OXSM: variants seen among roughly 807,000 people sequenced by gnomAD.
OXSM encodes the protein 3-oxoacyl-[acyl-carrier-protein] synthase, mitochondrial.
In OXSM, 19 loss-of-function variants were observed where a neutral mutation model predicts 29.2. The ratio of observed to expected loss-of-function variants is 0.65; its 90% CI spans 0.45 to 0.96. OXSM has a LOEUF of 0.96. Among genes scored for constraint, OXSM ranks in the 40% least tolerant of loss-of-function variants. OXSM has a pLI of 0.00. For synonymous variants in OXSM, 178 were observed against 197.1 expected (o/e 0.90, Z 0.81); for missense variants, 554 against 551.3 (o/e 1.00, Z -0.05).
rs1490272216 is a variant in OXSM at position 25,791,160 on chromosome 3, C to T, written c.140C>T (p.Thr47Ile). 1.2e-6 allele frequency: 2 copies of T among 1,614,210 alleles called. No individual in the cohort carries two copies. The highest frequency in any genetic ancestry group is 1.7e-5 in the Admixed American group (1 of 60,028). ...ISRLHRRVVI[T>I]GIGLVTPLGV... ...AGATTGCATAGGCGAGTTGTCATTA[C>T]AGGCATTGGCTTAGTGACTCCTCTT... Residue 47 changes from threonine (T) to isoleucine (I), a missense_variant, in exon 2 of 3, where the codon ACA becomes ATA. Transcript: ENST00000280701.
At position 25,794,242 on chromosome 3, in the gene OXSM, T is replaced by C; in HGVS notation, c.1128T>C (p.Val376=). ...AAGACCATGCATATGCCCTTGCAGT[T>C]TCCTCAACTAAGGGAGCAACAGGAC... The part of the protein sequence containing the change: ...LFKDHAYALA[V]SSTKGATGHL... Residue 376 remains valine (V), a synonymous_variant, in exon 3 of 3, where the codon GTT becomes GTC. Coordinates refer to ENST00000280701, the MANE Select transcript of OXSM (RefSeq NM_017897.3). 4.3e-6 allele frequency: 7 copies of C among 1,614,218 alleles called. No individual in the cohort carries two copies. The highest frequency in any genetic ancestry group is 5.9e-6 in the Non-Finnish European group (7 of 1,180,034).
At chr3:25,790,875 C>T in intron 1 of OXSM, 115 bp from the exon 2 acceptor site, 1 of 676,452 alleles carries the variant, frequency 1.5e-6, no homozygotes, top group South Asian at 2.0e-5. Context: ...TAACATTTTC[C>T]CTGTGTTCAT....
Position 25,791,210 on chromosome 3 carries a change from G to A in OXSM, c.190G>A (p.Asp64Asn), listed in dbSNP as rs1425288832. The A allele has an allele frequency of 6.2e-7, 1 of 1,614,218 alleles. No homozygotes were observed. The highest frequency in any genetic ancestry group is 1.1e-5 in the South Asian group (1 of 91,090). Residue 64 changes from aspartate to asparagine, a missense_variant, in exon 2 of 3, where the codon GAT becomes AAT. Physicochemically the swap from Asp to Asn is conservative, Grantham distance 23. Coordinates refer to ENST00000280701, the MANE Select transcript of OXSM (RefSeq NM_017897.3). The stretch of plus-strand genomic sequence containing the variant: ...TGGTGTTGGAACTCACCTGGTTTGG[G>A]ATCGTCTTATCGGAGGAGAGAGTGG... ...PLGVGTHLVW[D>N]RLIGGESGIV...
In OXSM at chr3:25,794,462, A is replaced by C; in HGVS notation, c.1348A>C (p.Thr450Pro). Reference sequence around the variant, plus strand: ...CACCAATTCCTTTGGTTTTGGTGGTACTAATGCAACACTTTGTATTGCTGG... The same window carrying C: ...CACCAATTCCTTTGGTTTTGGTGGTCCTAATGCAACACTTTGTATTGCTGG... Reference protein sequence around the residue: ...GLTNSFGFGGTNATLCIAGL With the variant: ...GLTNSFGFGGPNATLCIAGL Residue 450 changes from threonine to proline, a missense_variant, in exon 3 of 3, where the codon ACT becomes CCT. Coordinates refer to ENST00000280701, the MANE Select transcript of OXSM (RefSeq NM_017897.3). 1 of 1,612,458 alleles carries C rather than the reference A, an allele frequency of 6.2e-7. No homozygotes were observed.
rs1449373746 is a variant in OXSM at position 25,794,292 on chromosome 3, TC to T, written c.1179del (p.Glu394ArgfsTer7). On this transcript the variant is annotated frameshift_variant, in exon 3 of 3. Coordinates refer to ENST00000280701, the MANE Select transcript of OXSM (RefSeq NM_017897.3). LOFTEE classifies it high-confidence loss of function. ...TGHLLGAAGAVEAAFTTLACY... is the reference protein window; with the variant it reads ...TGHLLGAAGAXEAAFTTLACY... Reference sequence around the variant, plus strand: ...CATCTGCTGGGAGCTGCAGGGGCAGTCGAGGCAGCTTTTACCACATTAGCTT... The same window carrying T: ...CATCTGCTGGGAGCTGCAGGGGCAGTGAGGCAGCTTTTACCACATTAGCTT... 1.9e-6 allele frequency: 3 copies of T among 1,614,234 alleles called. No homozygotes were observed. Among genetic ancestry groups the T allele is most frequent in the Admixed American group, 1.7e-5 (1 of 60,022 alleles).
At chr3:25,792,086 T>C in intron 2 of OXSM, 89 bp downstream of exon 2, 3 of 1,114,290 alleles carry the variant, frequency 2.7e-6, no homozygotes, top group Non-Finnish European at 3.9e-6. Flanking sequence ...GTGTCTGGCC[T>C]TGGTGTACAG....
chr3:25,794,416 T>C lies in OXSM; in HGVS notation c.1302T>C (p.Thr434=), dbSNP rs1708834344. 1.9e-6 allele frequency: 3 copies of C among 1,613,942 alleles called. No individual in the cohort carries two copies. The highest frequency in any genetic ancestry group is 2.7e-5 in the African/African-American group (2 of 75,060). The change falls in exon 3 of 3, where the codon ACT becomes ACC. Residue 434 remains threonine, a synonymous_variant. Transcript: ENST00000280701. ...YVPLKAQEWK[T]EKRFIGLTNS... is the part of the protein sequence containing the mutation. Reference sequence around the variant, plus strand: ...CACTAAAGGCACAGGAATGGAAAACTGAGAAAAGATTTATTGGCCTCACCA... The same window carrying C: ...CACTAAAGGCACAGGAATGGAAAACCGAGAAAAGATTTATTGGCCTCACCA...
In OXSM at chr3:25,791,795, G is replaced by C; in HGVS notation, c.775G>C (p.Asp259His). The change falls in exon 2 of 3, where the codon GAT (aspartate) becomes CAT (histidine). Residue 259 changes from aspartate (D) to histidine (H), a missense_variant. By Grantham distance (81) the Asp-to-His change is moderately conservative. Coordinates refer to ENST00000280701, the MANE Select transcript of OXSM (RefSeq NM_017897.3). ...SRARALSTNSDPKLACRPFHP... is the reference protein window; with the variant it reads ...SRARALSTNSHPKLACRPFHP... ...AGCCCGGGCTCTGAGCACAAACTCA[G>C]ATCCCAAGTTGGCATGTCGACCATT... 1 of 1,614,182 alleles carries C rather than the reference G, an allele frequency of 6.2e-7. No homozygotes were observed. Among genetic ancestry groups the C allele is most frequent in the Middle Eastern group, 1.6e-4 (1 of 6,062 alleles).
At chr3:25,793,553 G>C (rs1329628082) in intron 2 of OXSM, among the ~76,000 whole-genome samples, 4 of 152,064 alleles carry the variant, frequency 2.6e-5, no homozygotes, top group Non-Finnish European at 5.9e-5. Context: ...AGTTTGTTTG[G>C]CTTAGCTTGC....
intron 1 of OXSM, 113 bp from the exon 2 acceptor site, chr3:25,790,877 T>A: frequency 2.9e-6 from 2 of 688,506 alleles, no homozygotes; most frequent in Non-Finnish European, 2.5e-6. Context: ...ACATTTTCCC[T>A]GTGTTCATTA....
chr3:25,794,429 A>C lies in OXSM; in HGVS notation c.1315A>C (p.Ile439Leu). 8.1e-6 allele frequency: 13 copies of C among 1,613,960 alleles called. No individual in the cohort carries two copies. Among genetic ancestry groups the C allele is most frequent in the Non-Finnish European group, 1.1e-5 (13 of 1,179,782 alleles). ...AQEWKTEKRF[I>L]GLTNSFGFGG... ...GGAATGGAAAACTGAGAAAAGATTT[A>C]TTGGCCTCACCAATTCCTTTGGTTT... Residue 439 changes from isoleucine (I) to leucine (L), a missense_variant, in exon 3 of 3, where the codon ATT becomes CTT. By Grantham distance (5) the Ile-to-Leu change is conservative. Transcript: ENST00000280701.
chr3:25,791,496 T>G lies in OXSM; in HGVS notation c.476T>G (p.Val159Gly), dbSNP rs1372721936. ...GGCATGGGAATGATTCCTCTTGAAG[T>G]TGTTTCTGAAACTGCTTTGAATTTT... ...AIGMGMIPLE[V>G]VSETALNFQT... Residue 159 changes from valine (V) to glycine (G), a missense_variant, in exon 2 of 3, where the codon GTT (valine) becomes GGT (glycine). By Grantham distance (109) the Val-to-Gly change is moderately radical. Transcript: ENST00000280701. 1 of 1,614,220 alleles carries G rather than the reference T, an allele frequency of 6.2e-7. No individual in the cohort carries two copies. Among genetic ancestry groups the G allele is most frequent in the East Asian group, 2.2e-5 (1 of 44,884 alleles).
Position 25,794,239 on chromosome 3 carries a change from A to G in OXSM, c.1125A>G (p.Ala375=). 1 of 1,614,256 alleles carries G rather than the reference A, an allele frequency of 6.2e-7. No individual in the cohort carries two copies. The highest frequency in any genetic ancestry group is 8.5e-7 in the Non-Finnish European group (1 of 1,180,036). ...TCAAAGACCATGCATATGCCCTTGC[A>G]GTTTCCTCAACTAAGGGAGCAACAG... ...HLFKDHAYAL[A]VSSTKGATGH... Residue 375 remains alanine (A), a synonymous_variant, in exon 3 of 3, where the codon GCA becomes GCG. Coordinates refer to ENST00000280701, the MANE Select transcript of OXSM (RefSeq NM_017897.3).
chr3:25,794,387 G>T lies in OXSM; in HGVS notation c.1273G>T (p.Val425Phe). The change falls in exon 3 of 3, where the codon GTT becomes TTT. Residue 425 changes from valine (V) to phenylalanine (F), a missense_variant. Val to Phe is a conservative substitution (Grantham distance 50, BLOSUM62 -1). Transcript: ENST00000280701. The stretch of plus-strand genomic sequence containing the variant: ...GGAACCAGAATTTGATCTCAACTAT[G>T]TTCCACTAAAGGCACAGGAATGGAA... ...CSEPEFDLNY[V>F]PLKAQEWKTE... 1 of 1,614,108 alleles carries T rather than the reference G, an allele frequency of 6.2e-7. No homozygotes were observed. The highest frequency in any genetic ancestry group is 1.1e-5 in the South Asian group (1 of 91,080).
intron 2 of OXSM, 99 bp downstream of exon 2, chr3:25,792,096 G>T: frequency 1.0e-6 from 1 of 987,972 alleles, no homozygotes; most frequent in Middle Eastern, 2.2e-4. Flanking sequence ...TTGGTGTACA[G>T]TATCTCTGTT....
intron 2 of OXSM, among the ~76,000 whole-genome samples, chr3:25,793,422 T>A (rs552168477): frequency 6.6e-6 from 1 of 152,200 alleles, no homozygotes; most frequent in African/African-American, 2.4e-5. Context: ...GAGCTGGCTG[T>A]TAAGAAATAT....
chr3:25,794,520 G>C lies in OXSM; in HGVS notation c.*26G>C. ...AACATATAATTTGTAATTAAATACT[G>C]ATTTTTAAATGCTATATGTGAAGAA... is the stretch of plus-strand genomic sequence containing the variant. On this transcript the variant is annotated 3_prime_UTR_variant, in exon 3 of 3. Transcript: ENST00000280701. 1 of 1,489,738 alleles carries C rather than the reference G, an allele frequency of 6.7e-7. No individual in the cohort carries two copies. Among genetic ancestry groups the C allele is most frequent in the South Asian group, 1.3e-5 (1 of 79,172 alleles). The allele number at this position is 1,489,738 out of a possible 1,614,324, so 92.3% of individuals were successfully genotyped here. A position where few individuals can be genotyped will look rare whatever the true frequency, so the allele number is the denominator to read the frequency against.
rs1708767783 is a variant in OXSM at position 25,791,946 on chromosome 3, G to A, written c.926G>A (p.Gly309Asp). Residue 309 changes from glycine (G) to aspartate (D), a missense_variant, in exon 2 of 3, where the codon GGT (glycine) becomes GAT (aspartate). Transcript: ENST00000280701. ...GAAGTTTTGGGCTATGGACTCTCAG[G>A]TGATGCTGGTCACATAACTGCCCCT... ...YAEVLGYGLS[G>D]DAGHITAPDP... 2 of 1,600,634 alleles carry A rather than the reference G, an allele frequency of 1.2e-6. No individual in the cohort carries two copies. Among genetic ancestry groups the A allele is most frequent in the East Asian group, 4.5e-5 (2 of 44,880 alleles).
rs149246300 is a variant in OXSM at position 25,791,887 on chromosome 3, A to G, written c.867A>G (p.Glu289=). The change falls in exon 2 of 3, where the codon GAA becomes GAG. Residue 289 remains glutamate (E), a synonymous_variant. Coordinates refer to ENST00000280701, the MANE Select transcript of OXSM (RefSeq NM_017897.3). ...CTGTGCTGGTGCTGGAAGAATATGA[A>G]CATGCTGTTCAAAGAAGAGCCCGGA... is the stretch of plus-strand genomic sequence containing the variant. ...GAAVLVLEEY[E]HAVQRRARIY... is the part of the protein sequence containing the mutation. The G allele has an allele frequency of 1.1e-4, 179 of 1,610,598 alleles. No individual in the cohort carries two copies. In the African/African-American group the frequency reaches 2.0e-3, roughly 18 times the overall value.
Sources: allele counts gnomAD v4.1 joint callset (sites outside exome capture counted in the v4.1 genomes callset), GRCh38; gene constraint gnomAD v4.1.1; transcripts MANE v1.5; gene names NCBI Gene and HGNC (gene_info 2026-07-23, HGNC 2026-07-21).